Variants in RALGAPA1 observed in about 807,000 individuals in gnomAD.
RALGAPA1 encodes ral GTPase-activating protein subunit alpha-1.
In RALGAPA1, 52 loss-of-function variants were observed where a neutral mutation model predicts 269.6. The observed-to-expected ratio is 0.19, with a 90% CI of 0.15 to 0.24. RALGAPA1 has a LOEUF of 0.24. RALGAPA1 is among the 10% of genes least tolerant of loss of function. The probability of loss-of-function intolerance (pLI) is 1.00; values close to 1 mark genes in which losing one functional copy is unlikely to be tolerated. For missense variants in RALGAPA1, 1,917 were observed against 3,013.9 expected (o/e 0.64, Z 8.52); for synonymous variants, 817 against 1,008.3 (o/e 0.81, Z 3.60).
intron 13 of RALGAPA1, among the ~76,000 whole-genome samples, chr14:35,725,871 A>G (rs1310729251): frequency 6.6e-6 from 1 of 152,122 alleles, no homozygotes; most frequent in Admixed American, 6.5e-5. Flanking sequence ...TTCATTATGC[A>G]GTTTTTTAAT....
chr14:35,619,712 T>G (rs995263066), intron 35 of RALGAPA1, among the ~76,000 whole-genome samples: 3 of 152,052 alleles, frequency 2.0e-5, no homozygotes, highest in Non-Finnish European at 4.4e-5. Flanking sequence ...CAGAGAATAC[T>G]TAAACACCTC....
At chr14:35,617,637 T>TGGGGGGGG (rs1221537442) in intron 35 of RALGAPA1, among the ~76,000 whole-genome samples, 6 of 4,886 alleles carry the variant, frequency 1.2e-3, no homozygotes, top group Non-Finnish European at 2.9e-3. Flanking sequence ...GTGTGTGGGG[T>TGGGGGGGG]GGGGGGGGGG....
Position 35,688,869 on chromosome 14 carries a change from A to C in RALGAPA1, c.3542T>G (p.Leu1181Arg). 7.8e-7 allele frequency: 1 copy of C among 1,282,888 alleles called. No homozygotes were observed. The highest frequency in any genetic ancestry group is 2.8e-5 in the East Asian group (1 of 35,362). The allele number at this position is 1,282,888 out of a possible 1,614,324, so 79.5% of individuals were successfully genotyped here. A position where few individuals can be genotyped will look rare whatever the true frequency, so the allele number is the denominator to read the frequency against. Residue 1181 changes from leucine (L) to arginine (R), a missense_variant, in exon 18 of 42, where the codon CTC becomes CGC. Leu to Arg is a moderately radical substitution (Grantham distance 102). Coordinates refer to ENST00000680220, the MANE Select transcript of RALGAPA1 (RefSeq NM_001346249.2). ...EAPWKMRLRK[L>R]GGFSSGSSNS... is the part of the protein sequence containing the mutation. ...GCTGCTACCACTACTAAAGCCACCGAGCTTCCGCAGTCTCATCTTCCATGG... is the reference window on the plus strand; with the variant it reads ...GCTGCTACCACTACTAAAGCCACCGCGCTTCCGCAGTCTCATCTTCCATGG...
rs543798619 is a variant in RALGAPA1 at position 35,652,664 on chromosome 14, C to G, written c.5608-791G>C. On this transcript the variant is annotated intron_variant, in intron 30 of 41. Transcript: ENST00000680220. ...AGGTGATCCGCCCACCTCAGCCTCC[C>G]AAAGTGCTGGGATTACAGGCATGAG... Among the ~76,000 whole-genome samples, 56 of 152,142 alleles carry G rather than the reference C, an allele frequency of 3.7e-4. No homozygotes were observed. The East Asian group carries it at 9.8e-3, about 27-fold the overall frequency.
chr14:35,740,561 C>T (rs1301014836), intron 11 of RALGAPA1, among the ~76,000 whole-genome samples: 1 of 152,186 alleles, frequency 6.6e-6, no homozygotes, highest in African/African-American at 2.4e-5. Context: ...ATCCCCAGCA[C>T]TTTGGGAGGC....
At chr14:35,722,990 CA>C in intron 15 of RALGAPA1, 36 bp downstream of exon 15, 1 of 1,324,786 alleles carries the variant, frequency 7.5e-7, no homozygotes, top group Non-Finnish European at 1.1e-6. Context: ...ATTATTTAAA[CA>C]AATTTATATA....
intron 39 of RALGAPA1, among the ~76,000 whole-genome samples, chr14:35,568,155 TATGGAAG>T (rs2056864830): frequency 6.6e-6 from 1 of 152,136 alleles, no homozygotes; most frequent in Non-Finnish European, 1.5e-5. Context: ...ACAAAGCTTT[TATGGAAG>T]TACAGGTTGA....
At chr14:35,576,227 G>T (rs1228708907) in intron 37 of RALGAPA1, among the ~76,000 whole-genome samples, 1 of 152,120 alleles carries the variant, frequency 6.6e-6, no homozygotes, top group Non-Finnish European at 1.5e-5. Context: ...CCCACAGTGG[G>T]GCTGTTTCTT....
chr14:35,626,295 G>A (rs2060986091), intron 34 of RALGAPA1, among the ~76,000 whole-genome samples: 1 of 152,108 alleles, frequency 6.6e-6, no homozygotes, highest in South Asian at 2.1e-4. Flanking sequence ...CTATTTCAAT[G>A]CTTGACATAC....
intron 12 of RALGAPA1, 110 bp from the exon 13 acceptor site, chr14:35,728,620 T>C: frequency 7.3e-7 from 1 of 1,363,398 alleles, no homozygotes; most frequent in Non-Finnish European, 9.5e-7. Flanking sequence ...ACAAGCTTAA[T>C]AACTGAAACA....
chr14:35,541,705 C>T (rs762228851), intron 41 of RALGAPA1: 66 of 456,558 alleles, frequency 1.4e-4, no homozygotes, highest in African/African-American at 7.8e-4. Flanking sequence ...ATATCATTCC[C>T]GGCCATCACG....
Position 35,689,731 on chromosome 14 carries a change from T to A in RALGAPA1, c.2680A>T (p.Thr894Ser). ...TCCAGAGAAGACTCTCTACTATGAG[T>A]ATCAGTGATGTGGCTTTCAGTGGAT... Reference protein sequence around the residue: ...TRSTESHITDTHSRESSLEVG... With the variant: ...TRSTESHITDSHSRESSLEVG... Residue 894 changes from threonine (T) to serine (S), a missense_variant, in exon 18 of 42, where the codon ACT becomes TCT. By Grantham distance (58) the Thr-to-Ser change is moderately conservative (BLOSUM62 1). Transcript: ENST00000680220. The A allele has an allele frequency of 4.7e-6, 7 of 1,475,056 alleles. No individual in the cohort carries two copies. The highest frequency in any genetic ancestry group is 6.3e-6 in the Non-Finnish European group (7 of 1,119,518). 91.4% of individuals were successfully genotyped at this position (1,475,056 alleles called of 1,614,324 possible). A position where few individuals can be genotyped will look rare whatever the true frequency, so the allele number is the denominator to read the frequency against.
At chr14:35,591,676 T>C (rs2058646872) in intron 37 of RALGAPA1, among the ~76,000 whole-genome samples, 1 of 152,124 alleles carries the variant, frequency 6.6e-6, no homozygotes, top group South Asian at 2.1e-4. Flanking sequence ...TGTATCAGAG[T>C]CCATGTACTA....
chr14:35,595,734 G>T lies in RALGAPA1; in HGVS notation c.7109C>A (p.Thr2370Asn). The T allele has an allele frequency of 6.2e-7, 1 of 1,612,528 alleles. No homozygotes were observed. The highest frequency in any genetic ancestry group is 8.5e-7 in the Non-Finnish European group (1 of 1,178,862). ...AGCAAAATATGGAGTGGTCAATCCAGTGCTTTTGTTTTTTTGTAGTCCTCC... is the reference window on the plus strand; with the variant it reads ...AGCAAAATATGGAGTGGTCAATCCATTGCTTTTGTTTTTTTGTAGTCCTCC... ...FMGGLQKNKSTGLTTPYFATS... is the reference protein window; with the variant it reads ...FMGGLQKNKSNGLTTPYFATS... The change falls in exon 37 of 42, where the codon ACT (threonine) becomes AAT (asparagine). Residue 2370 changes from threonine to asparagine, a missense_variant. By Grantham distance (65) the Thr-to-Asn change is moderately conservative. Around this residue, in one of 11 missense-constraint regions of RALGAPA1, gnomAD observed 132 missense variants for 271.2 expected, o/e 0.49. Transcript: ENST00000680220.
intron 38 of RALGAPA1, among the ~76,000 whole-genome samples, chr14:35,571,085 A>G (rs1566712573): frequency 6.6e-6 from 1 of 152,248 alleles, no homozygotes; most frequent in Admixed American, 6.5e-5. Flanking sequence ...TGAGTGAACA[A>G]AAGAAAAATA....
At chr14:35,694,264 C>T (rs73250813) in intron 17 of RALGAPA1, among the ~76,000 whole-genome samples, 2,800 of 152,172 alleles carry the variant, frequency 0.018, 85 homozygotes, top group African/African-American at 0.063. Flanking sequence ...CAAGCACGAA[C>T]GTTAGCTATC....
rs1477089611 is a variant in RALGAPA1 at position 35,627,189 on chromosome 14, G to A, written c.6758C>T (p.Ala2253Val). 6.3e-7 allele frequency: 1 copy of A among 1,595,700 alleles called. No homozygotes were observed. The highest frequency in any genetic ancestry group is 1.4e-5 in the African/African-American group (1 of 73,600). Residue 2253 changes from alanine (A) to valine (V), a missense_variant, in exon 34 of 42, where the codon GCT (alanine) becomes GTT (valine). Coordinates refer to ENST00000680220, the MANE Select transcript of RALGAPA1 (RefSeq NM_001346249.2). ...AGGTATTGGTTCATCTTGTTCCACA[G>A]CTTTCATGTTTAAGTCATTAAAGTG... Reference protein sequence around the residue: ...EKHFNDLNMKAVEQDEPIPQK... With the variant: ...EKHFNDLNMKVVEQDEPIPQK...
chr14:35,684,040 T>A, intron 20 of RALGAPA1, 55 bp from the exon 21 acceptor site: 1 of 1,425,510 alleles, frequency 7.0e-7, no homozygotes, highest in Non-Finnish European at 9.7e-7. Flanking sequence ...TAAAAATATT[T>A]ACGAGAGCTA....
chr14:35,783,191 C>T (rs1278507480), intron 1 of RALGAPA1, among the ~76,000 whole-genome samples: 4 of 151,614 alleles, frequency 2.6e-5, no homozygotes, highest in East Asian at 3.9e-4. Flanking sequence ...AGTGTAGTAC[C>T]GGGATAAGGA....
Sources: gnomAD v4.1 joint callset for allele counts (sites outside exome capture counted in the v4.1 genomes callset) on GRCh38, gnomAD v4.1.1 for gene constraint, gnomAD v4.1.1 regional missense constraint, MANE v1.5 for transcripts, NCBI Gene and HGNC (gene_info 2026-07-23, HGNC 2026-07-21) for gene names.